The following EPHB1 variants were observed in gnomAD, a reference collection of about 807,000 sequenced individuals.
EPHB1 encodes the protein EPH receptor B1, also known as ephrin type-B receptor 1.
In EPHB1, 30 loss-of-function variants were observed where a neutral mutation model predicts 94.4. That is an observed-to-expected ratio of 0.32 (90% CI 0.24 to 0.43). The LOEUF is 0.43. Among genes scored for constraint, EPHB1 ranks in the 20% least tolerant of loss-of-function variants. EPHB1 has a pLI of 1.00. For synonymous variants in EPHB1, 522 were observed against 489.1 expected (o/e 1.07, Z -0.89); for missense variants, 1,055 against 1,308.3 (o/e 0.81, Z 2.99).
chr3:134,987,719 C>T (rs757619298), intron 3 of EPHB1, among the ~76,000 whole-genome samples: 1 of 152,072 alleles, frequency 6.6e-6, no homozygotes, highest in African/African-American at 2.4e-5. Context: ...TGCAGTGAGC[C>T]GAGATCACGC....
Position 134,927,132 on chromosome 3 carries a change from G to A in EPHB1, c.123+1252G>A, listed in dbSNP as rs143980347. Among the ~76,000 whole-genome samples, 321 of 152,276 alleles carry A rather than the reference G, an allele frequency of 2.1e-3. 1 individual carries two copies. The highest frequency in any genetic ancestry group is 4.1e-3 in the South Asian group (20 of 4,826). ...CCTCTGTCCCAGACCTTCTCTCTGC[G>A]TCCCATCCCTGTAACCTCTATGCCC... On this transcript the variant is annotated intron_variant, in intron 2 of 15. Transcript: ENST00000398015.
At chr3:135,258,212 C>T (rs1453122095) in intron 15 of EPHB1, among the ~76,000 whole-genome samples, 3 of 152,196 alleles carry the variant, frequency 2.0e-5, no homozygotes, top group East Asian at 1.9e-4. Context: ...TGTTCCTATT[C>T]GGCCATCTTG....
intron 3 of EPHB1, among the ~76,000 whole-genome samples, chr3:134,995,964 A>C (rs1405017351): frequency 6.6e-6 from 1 of 152,210 alleles, no homozygotes; most frequent in Non-Finnish European, 1.5e-5. Context: ...TTTGATAAAA[A>C]ATTATGCCAT....
At chr3:134,866,966 C>T (rs1188314053) in intron 1 of EPHB1, among the ~76,000 whole-genome samples, 1 of 151,924 alleles carries the variant, frequency 6.6e-6, no homozygotes, top group Non-Finnish European at 1.5e-5. Flanking sequence ...ATCTGAGCTA[C>T]ATGGGCCAAC....
chr3:134,902,319 G>A (rs778353245), intron 1 of EPHB1, among the ~76,000 whole-genome samples: 3 of 152,314 alleles, frequency 2.0e-5, no homozygotes, highest in East Asian at 1.9e-4. Flanking sequence ...AGGAGTCCAG[G>A]AGGGTGTACA....
Position 135,106,565 on chromosome 3 carries a change from A to G in EPHB1, c.923A>G (p.Tyr308Cys). Residue 308 changes from tyrosine to cysteine, a missense_variant, in exon 4 of 16, where the codon TAC (tyrosine) becomes TGC (cysteine). By Grantham distance (194) the Tyr-to-Cys change is radical (BLOSUM62 -2). Transcript: ENST00000398015. ...SPICTCRTGY[Y>C]RADFDPPEVA... The stretch of plus-strand genomic sequence containing the variant: ...ATCTGCACCTGTCGGACCGGTTATT[A>G]CCGAGCGGACTTTGACCCTCCAGAA... The G allele has an allele frequency of 6.2e-7, 1 of 1,614,026 alleles. No individual in the cohort carries two copies. The highest frequency in any genetic ancestry group is 8.5e-7 in the Non-Finnish European group (1 of 1,179,892).
chr3:134,904,678 G>A (rs1052728923), intron 1 of EPHB1, among the ~76,000 whole-genome samples: 5 of 107,308 alleles, frequency 4.7e-5, no homozygotes, highest in African/African-American at 2.7e-4. Flanking sequence ...TGAGTAGCTA[G>A]TCTCTTGGAG....
intron 1 of EPHB1, among the ~76,000 whole-genome samples, chr3:134,924,575 C>T (rs1305420567): frequency 6.6e-6 from 1 of 152,086 alleles, no homozygotes; most frequent in East Asian, 1.9e-4. Context: ...AAGTTAAAAA[C>T]AAATGACCAT....
At chr3:135,013,294 G>A (rs570746230) in intron 3 of EPHB1, among the ~76,000 whole-genome samples, 3 of 152,240 alleles carry the variant, frequency 2.0e-5, no homozygotes, top group East Asian at 1.9e-4. Context: ...CCCCTGCACC[G>A]TCATTGTGTG....
At chr3:135,179,158 C>G (rs1268513868) in intron 9 of EPHB1, among the ~76,000 whole-genome samples, 1 of 152,136 alleles carries the variant, frequency 6.6e-6, no homozygotes, top group Non-Finnish European at 1.5e-5. Context: ...ATGTATTTCT[C>G]ATTCACCATT....
At chr3:134,911,546 C>T (rs1324116182) in intron 1 of EPHB1, among the ~76,000 whole-genome samples, 1 of 152,064 alleles carries the variant, frequency 6.6e-6, no homozygotes, top group African/African-American at 2.4e-5. Context: ...AGTAGGCCAG[C>T]CTGGCTCTCT....
chr3:135,168,089 T>C (rs185964023), intron 9 of EPHB1, among the ~76,000 whole-genome samples: 2 of 152,314 alleles, frequency 1.3e-5, no homozygotes, highest in East Asian at 3.9e-4. Context: ...AAGGAGCTTG[T>C]GTTCTAATGC....
intron 4 of EPHB1, among the ~76,000 whole-genome samples, chr3:135,122,306 T>C (rs1024836142): frequency 2.7e-4 from 41 of 152,178 alleles, no homozygotes; most frequent in Non-Finnish European, 5.4e-4. Context: ...AGTTTTTTCT[T>C]TGAGTCCAGT....
chr3:134,854,904 A>G (rs894922036), intron 1 of EPHB1, among the ~76,000 whole-genome samples: 1 of 108,710 alleles, frequency 9.2e-6, no homozygotes, highest in African/African-American at 2.6e-5. Flanking sequence ...GAAAATATAG[A>G]AAAGTATAAA....
intron 3 of EPHB1, among the ~76,000 whole-genome samples, chr3:135,090,843 C>A (rs866689112): frequency 6.6e-6 from 1 of 152,198 alleles, no homozygotes; most frequent in African/African-American, 2.4e-5. Flanking sequence ...AAAATTATTT[C>A]TTTTGCTTAC....
chr3:134,806,335 A>G (rs2036042457), intron 1 of EPHB1, among the ~76,000 whole-genome samples: 1 of 152,176 alleles, frequency 6.6e-6, no homozygotes, highest in African/African-American at 2.4e-5. Context: ...CCCAGATACC[A>G]CATTGTCAGG....
rs749360234 is a variant in EPHB1 at position 135,120,661 on chromosome 3, CT to C, written c.962-12051del. On this transcript the variant is annotated intron_variant, in intron 4 of 15. Coordinates refer to ENST00000398015, the MANE Select transcript of EPHB1 (RefSeq NM_004441.5). Reference sequence around the variant, plus strand: ...TCAATTTCTTTTTTGTTCTCTTGACCTTGAATTGTTGTCTTAGGAACGAGGG... The same window carrying C: ...TCAATTTCTTTTTTGTTCTCTTGACCTGAATTGTTGTCTTAGGAACGAGGG... 7.2e-5 allele frequency among the ~76,000 whole-genome samples: 11 copies of C among 152,286 alleles called. 1 individual carries two copies. The South Asian group carries it at 1.7e-3, about 23-fold the overall frequency.
intron 10 of EPHB1, 72 bp downstream of exon 10, chr3:135,180,054 C>CT (rs1354282920): frequency 6.3e-7 from 1 of 1,575,014 alleles, no homozygotes; most frequent in Non-Finnish European, 8.7e-7. Flanking sequence ...CCTAGATGGT[C>CT]TCTTTCAGTA....
At chr3:135,228,008 T>C (rs1423006213) in intron 12 of EPHB1, among the ~76,000 whole-genome samples, 2 of 152,214 alleles carry the variant, frequency 1.3e-5, no homozygotes, top group Non-Finnish European at 2.9e-5. Context: ...GGATATTCTC[T>C]TACATAACTA....
Sources: gnomAD v4.1 joint callset for allele counts (sites outside exome capture counted in the v4.1 genomes callset) on GRCh38, gnomAD v4.1.1 for gene constraint, MANE v1.5 for transcripts, NCBI Gene and HGNC (gene_info 2026-07-23, HGNC 2026-07-21) for gene names.